The following NALCN variants were observed in gnomAD, a reference collection of about 807,000 sequenced individuals.
NALCN encodes the protein sodium leak channel NALCN.
In NALCN, 111 loss-of-function variants were observed where a neutral mutation model predicts 225.3. The ratio of observed to expected loss-of-function variants is 0.49; its 90% CI spans 0.42 to 0.58. The LOEUF (loss-of-function observed/expected upper bound fraction) is 0.58, where lower values mean the gene tolerates loss of function less well. Ranked by LOEUF, NALCN falls within the 20% of genes least tolerant of loss-of-function variation. NALCN has a pLI of 0.00. For synonymous variants in NALCN, 764 were observed against 769.0 expected (o/e 0.99, Z 0.11); for missense variants, 1,378 against 2,202.4 (o/e 0.63, Z 7.49).
chr13:101,202,813 T>C (rs2040174355), intron 13 of NALCN, among the ~76,000 whole-genome samples: 1 of 152,208 alleles, frequency 6.6e-6, no homozygotes, highest in African/African-American at 2.4e-5. Context: ...GCTCTCACTC[T>C]AAAGAGATCA....
chr13:101,128,361 A>G (rs1362290415), intron 17 of NALCN, among the ~76,000 whole-genome samples: 1 of 152,218 alleles, frequency 6.6e-6, no homozygotes, highest in Non-Finnish European at 1.5e-5. Flanking sequence ...ACATACTTTA[A>G]CACATAATTC....
intron 41 of NALCN, among the ~76,000 whole-genome samples, chr13:101,061,721 A>C (rs1328193214): frequency 6.6e-6 from 1 of 152,144 alleles, no homozygotes; most frequent in African/African-American, 2.4e-5. Context: ...CATATTATAA[A>C]AATGGGATTC....
intron 7 of NALCN, among the ~76,000 whole-genome samples, chr13:101,308,798 CA>C (rs1317350690): frequency 1.3e-5 from 2 of 152,042 alleles, no homozygotes; most frequent in Non-Finnish European, 2.9e-5. Flanking sequence ...GGCAAAGTTC[CA>C]ACTGATGTCT....
In NALCN at chr13:101,108,082, CT is replaced by C. The variant is rs35197278; in HGVS notation, c.2365-294del. Among the ~76,000 whole-genome samples the C allele has an allele frequency of 0.12, 16,925 of 146,842 alleles. 1,247 individuals carry two copies. Among genetic ancestry groups the C allele is most frequent in the South Asian group, 0.19 (876 of 4,692 alleles). ...GTATATATTTACAATAAATATATAT[CT>C]ATATGAAATGTATATATTTATAATT... is the stretch of plus-strand genomic sequence containing the variant. On this transcript the variant is annotated intron_variant, in intron 20 of 43. Transcript: ENST00000251127.
chr13:101,369,093 C>A, intron 6 of NALCN: 1 of 276,654 alleles, frequency 3.6e-6, no homozygotes, highest in Non-Finnish European at 7.4e-6. Flanking sequence ...AGCAACATTA[C>A]TACCATGTGG....
intron 26 of NALCN, 64 bp from the exon 27 acceptor site, chr13:101,100,952 C>G: frequency 7.5e-7 from 1 of 1,328,748 alleles, no homozygotes; most frequent in South Asian, 1.4e-5. Context: ...TTGGTTTAAA[C>G]AGTGACATAA....
In NALCN at chr13:101,059,928, C is replaced by T; in HGVS notation, c.4795G>A (p.Glu1599Lys). 6.2e-7 allele frequency: 1 copy of T among 1,614,086 alleles called. No individual in the cohort carries two copies. The highest frequency in any genetic ancestry group is 8.5e-7 in the Non-Finnish European group (1 of 1,180,022). The stretch of plus-strand genomic sequence containing the variant: ...CGGCTCAGCTCTTGCTGCTGACTCT[C>T]TCTCAGGCTGTGGATGATACTGCAC... Reference protein sequence around the residue: ...QSCSIIHSLRESQQQELSRFL... With the variant: ...QSCSIIHSLRKSQQQELSRFL... The change falls in exon 42 of 44, where the codon GAG becomes AAG. Residue 1599 changes from glutamate (E) to lysine (K), a missense_variant. Physicochemically the swap from Glu to Lys is moderately conservative, Grantham distance 56. This residue lies in a region of NALCN where 94 missense variants were observed against 170.3 expected (regional missense o/e 0.55). Coordinates refer to ENST00000251127, the MANE Select transcript of NALCN (RefSeq NM_052867.4).
At chr13:101,381,432 C>A (rs1255835489) in intron 3 of NALCN, among the ~76,000 whole-genome samples, 3 of 152,110 alleles carry the variant, frequency 2.0e-5, no homozygotes, top group Non-Finnish European at 4.4e-5. Context: ...CTATAAGCAT[C>A]ATACTTGCCT....
chr13:101,107,671 G>A (rs1009993857), intron 21 of NALCN, 27 bp downstream of exon 21: 4 of 1,613,938 alleles, frequency 2.5e-6, no homozygotes, highest in Non-Finnish European at 3.4e-6. Flanking sequence ...CCGAATGAGA[G>A]CCATGGGACA....
intron 31 of NALCN, 29 bp from the exon 32 acceptor site, chr13:101,083,227 T>C (rs768222912): frequency 1.3e-6 from 2 of 1,551,890 alleles, no homozygotes; most frequent in Middle Eastern, 1.7e-4. Context: ...GGCAAGGGCA[T>C]TTTAGACACA....
rs1242134119 is a variant in NALCN, at chr13:101,400,590, T to TGCGC, written c.-39-1429_-39-1426dup. On this transcript the variant is annotated intron_variant, in intron 1 of 43. Transcript: ENST00000251127. ...GTGTGTGTGTGTGTGTGCACGTGTG[T>TGCGC]GCGCGCGCACACAGATGCAGTTTTT... Among the ~76,000 whole-genome samples the TGCGC allele has an allele frequency of 2.7e-3, 387 of 142,814 alleles. 5 individuals carry two copies. Among genetic ancestry groups the TGCGC allele is most frequent in the East Asian group, 0.011 (55 of 4,904 alleles). 93.7% of individuals were successfully genotyped at this position (142,814 alleles called of 152,430 possible).
intron 7 of NALCN, among the ~76,000 whole-genome samples, chr13:101,296,163 C>T (rs1594624055): frequency 6.6e-6 from 1 of 152,282 alleles, no homozygotes; most frequent in African/African-American, 2.4e-5. Context: ...ACTCGTCATA[C>T]TGAATTCTCT....
At chr13:101,277,801 G>A (rs971260929) in intron 10 of NALCN, among the ~76,000 whole-genome samples, 1 of 152,150 alleles carries the variant, frequency 6.6e-6, no homozygotes, top group African/African-American at 2.4e-5. Flanking sequence ...ATGAATTCTT[G>A]GGTAGGTAAA....
chr13:101,236,241 A>G (rs1458676615), intron 12 of NALCN, among the ~76,000 whole-genome samples: 1 of 152,208 alleles, frequency 6.6e-6, no homozygotes. Flanking sequence ...TAGAATGGCA[A>G]TCATTAAAAA....
At chr13:101,170,640 CA>C (rs1166364011) in intron 15 of NALCN, among the ~76,000 whole-genome samples, 24 of 152,272 alleles carry the variant, frequency 1.6e-4, no homozygotes, top group African/African-American at 5.8e-4. Context: ...AAGTCACAGT[CA>C]ATAAGAAAGG....
Position 101,365,968 on chromosome 13 carries a change from A to C in NALCN, c.644+10732T>G, listed in dbSNP as rs529034818. 3.4e-4 allele frequency among the ~76,000 whole-genome samples: 52 copies of C among 152,290 alleles called. No homozygotes were observed. The South Asian group carries it at 0.011, about 31-fold the overall frequency. ...TTCATTATTTGATACCGAGCTATGAATATGTTTCCCTTCTTTTTCAGGAAT... is the reference window on the plus strand; with the variant it reads ...TTCATTATTTGATACCGAGCTATGACTATGTTTCCCTTCTTTTTCAGGAAT... On this transcript the variant is annotated intron_variant, in intron 6 of 43. Coordinates refer to ENST00000251127, the MANE Select transcript of NALCN (RefSeq NM_052867.4).
rs186672142 is a variant in NALCN at position 101,337,193 on chromosome 13, G to C, written c.799+8073C>G. Among the ~76,000 whole-genome samples the C allele has an allele frequency of 3.8e-3, 575 of 152,170 alleles. 4 individuals carry two copies. The highest frequency in any genetic ancestry group is 6.0e-3 in the Non-Finnish European group (405 of 68,008). ...CTGTCTCACAGAATACAGAATACAAGGGACTAGACTTAAAGCCAGAGACCA... is the reference window on the plus strand; with the variant it reads ...CTGTCTCACAGAATACAGAATACAACGGACTAGACTTAAAGCCAGAGACCA... On this transcript the variant is annotated intron_variant, in intron 7 of 43. Transcript: ENST00000251127.
chr13:101,257,595 T>C (rs1220543755), intron 11 of NALCN, among the ~76,000 whole-genome samples: 1 of 152,196 alleles, frequency 6.6e-6, no homozygotes, highest in East Asian at 1.9e-4. Flanking sequence ...TTGTGACTTT[T>C]TTCTGTCTTT....
chr13:101,379,228 G>C (rs1414195318), intron 3 of NALCN, among the ~76,000 whole-genome samples: 1 of 152,194 alleles, frequency 6.6e-6, no homozygotes, highest in Non-Finnish European at 1.5e-5. Context: ...AGATGCTGGA[G>C]AGGATGTAGA....
Sources: allele counts gnomAD v4.1 joint callset (sites outside exome capture counted in the v4.1 genomes callset), GRCh38; gene constraint gnomAD v4.1.1; regional missense constraint gnomAD v4.1.1; transcripts MANE v1.5; gene names NCBI Gene and HGNC (gene_info 2026-07-23, HGNC 2026-07-21).